The following RERE variants were observed in gnomAD, a reference collection of about 807,000 sequenced individuals.
RERE encodes the protein arginine-glutamic acid dipeptide repeats.
Under a neutral mutation model 146.1 loss-of-function variants are expected in RERE, and 40 were observed. The ratio of observed to expected loss-of-function variants is 0.27; its 90% confidence interval spans 0.21 to 0.36. The LOEUF (loss-of-function observed/expected upper bound fraction) is 0.36, where lower values mean the gene tolerates loss of function less well. Ranked by LOEUF, RERE falls within the 10% of genes least tolerant of loss-of-function variation. The pLI is 1.00. For missense variants in RERE, 1,933 were observed against 2,138.7 expected (o/e 0.90, Z 1.90); for synonymous variants, 1,003 against 866.0 (o/e 1.16, Z -2.78).
chr1:8,414,387 CTCTACTAAAAA>C lies in RERE; in HGVS notation c.1284+8329_1284+8339del, dbSNP rs1282955843. ...TGGTGAAACCCCATCTCTACTAAAACTCTACTAAAAATACAAAACTCAGCTGGGCATGGTGG... is the reference window on the plus strand; with the variant it reads ...TGGTGAAACCCCATCTCTACTAAAACTACAAAACTCAGCTGGGCATGGTGG... On this transcript the variant is annotated intron_variant, in intron 12 of 22. Coordinates refer to ENST00000400908, the MANE Select transcript of RERE (RefSeq NM_001042681.2). Among the ~76,000 whole-genome samples the C allele has an allele frequency of 6.8e-5, 10 of 148,130 alleles. 1 individual carries two copies. The highest frequency in any genetic ancestry group is 1.3e-4 in the Non-Finnish European group (9 of 67,926).
intron 2 of RERE, among the ~76,000 whole-genome samples, chr1:8,646,150 T>C (rs1488471365): frequency 4.0e-5 from 6 of 151,174 alleles, no homozygotes; most frequent in Non-Finnish European, 7.4e-5. Context: ...ACAAAGCTCT[T>C]CCTGCCTGTT....
At chr1:8,685,037 T>C (rs1299279265) in intron 1 of RERE, among the ~76,000 whole-genome samples, 1 of 151,926 alleles carries the variant, frequency 6.6e-6, no homozygotes, top group Non-Finnish European at 1.5e-5. Context: ...TTTCAATTTT[T>C]TGTAGAGACA....
intron 12 of RERE, among the ~76,000 whole-genome samples, chr1:8,390,195 C>A (rs1194847148): frequency 6.6e-6 from 1 of 152,138 alleles, no homozygotes; most frequent in East Asian, 1.9e-4. Flanking sequence ...CCAGAGGCAT[C>A]CTGTGACACA....
chr1:8,390,355 C>A (rs1334843266), intron 12 of RERE, among the ~76,000 whole-genome samples: 1 of 152,200 alleles, frequency 6.6e-6, no homozygotes, highest in East Asian at 1.9e-4. Context: ...AAAAAACAAA[C>A]CTGGCATGCA....
At chr1:8,501,423 G>A (rs1195523463) in intron 8 of RERE, among the ~76,000 whole-genome samples, 1 of 70,420 alleles carries the variant, frequency 1.4e-5, no homozygotes, top group Non-Finnish European at 2.8e-5. Context: ...CGTCCGGGAG[G>A]TGAGGGGCGC....
chr1:8,548,723 G>A (rs1249644300), intron 6 of RERE, among the ~76,000 whole-genome samples: 2 of 152,182 alleles, frequency 1.3e-5, no homozygotes, highest in Admixed American at 6.5e-5. Context: ...AGTGGCTCAC[G>A]CCTGTAATCC....
intron 2 of RERE, among the ~76,000 whole-genome samples, chr1:8,650,642 T>G (rs2124316537): frequency 6.6e-6 from 1 of 152,182 alleles, no homozygotes; most frequent in Non-Finnish European, 1.5e-5. Flanking sequence ...CTCACGCCTG[T>G]AATCCCAGCA....
intron 12 of RERE, chr1:8,380,642 T>C: frequency 2.8e-6 from 1 of 361,472 alleles, no homozygotes; most frequent in East Asian, 7.4e-5. Context: ...CCACCAAGCC[T>C]GGCCCATCAA....
intron 10 of RERE, among the ~76,000 whole-genome samples, chr1:8,488,298 T>C (rs1287230221): frequency 6.6e-6 from 1 of 152,146 alleles, no homozygotes; most frequent in Non-Finnish European, 1.5e-5. Flanking sequence ...CAGGCTAGAA[T>C]GCAATGGCAC....
At chr1:8,707,085 G>A (rs1261640184) in intron 1 of RERE, among the ~76,000 whole-genome samples, 1 of 152,028 alleles carries the variant, frequency 6.6e-6, no homozygotes, top group Non-Finnish European at 1.5e-5. Context: ...TTTGTCCTAA[G>A]CTCCATTCCA....
At chr1:8,794,554 T>A (rs1391672353) in intron 1 of RERE, among the ~76,000 whole-genome samples, 1 of 151,948 alleles carries the variant, frequency 6.6e-6, no homozygotes, top group Non-Finnish European at 1.5e-5. Flanking sequence ...CCACAAAAAA[T>A]GTATTTACAG....
At chr1:8,743,184 C>A (rs1440898387) in intron 1 of RERE, among the ~76,000 whole-genome samples, 1 of 152,032 alleles carries the variant, frequency 6.6e-6, no homozygotes, top group Non-Finnish European at 1.5e-5. Context: ...CTGCTTGAGG[C>A]CAGGAGTTTG....
Position 8,356,379 on chromosome 1 carries a change from G to GTA in RERE, c.4340-134_4340-133insTA. ...GTCACCAGGGCTGGATGCACCACCT[G>GTA]GCTACAGGTGGCCCTGCCCCAAAGT... On this transcript the variant is annotated intron_variant, in intron 20 of 22. Coordinates refer to ENST00000400908, the MANE Select transcript of RERE (RefSeq NM_001042681.2). The surrounding 1 kb of genome is among the most constrained non-coding windows in gnomAD (Gnocchi z 5.2). The GTA allele has an allele frequency of 9.5e-7, 1 of 1,051,918 alleles. No individual in the cohort carries two copies. Among genetic ancestry groups the GTA allele is most frequent in the African/African-American group, 1.7e-5 (1 of 59,266 alleles). 65.2% of individuals were successfully genotyped at this position (1,051,918 alleles called of 1,614,324 possible).
chr1:8,564,089 G>A (rs533642571), intron 4 of RERE, among the ~76,000 whole-genome samples: 2 of 152,134 alleles, frequency 1.3e-5, no homozygotes, highest in South Asian at 2.1e-4. Flanking sequence ...ACTGTTAGAC[G>A]TGTCACCTTA....
At chr1:8,567,766 T>C (rs970877396) in intron 4 of RERE, among the ~76,000 whole-genome samples, 1 of 152,236 alleles carries the variant, frequency 6.6e-6, no homozygotes, top group South Asian at 2.1e-4. Flanking sequence ...TTTGTACTTC[T>C]TGCCCTCATC....
intron 12 of RERE, among the ~76,000 whole-genome samples, chr1:8,388,549 G>C (rs1331402550): frequency 6.6e-6 from 1 of 152,122 alleles, no homozygotes; most frequent in African/African-American, 2.4e-5. Context: ...TCGATCTCCT[G>C]ACCTCATGAT....
At chr1:8,736,851 G>GAAAAAAA (rs34872965) in intron 1 of RERE, among the ~76,000 whole-genome samples, 1 of 99,798 alleles carries the variant, frequency 1.0e-5, no homozygotes, top group Non-Finnish European at 2.0e-5. Context: ...AAGCAAGGGG[G>GAAAAAAA]AAAAAAAAAA....
intron 15 of RERE, among the ~76,000 whole-genome samples, chr1:8,363,347 T>C (rs1198538215): frequency 6.6e-6 from 1 of 152,240 alleles, no homozygotes; most frequent in Non-Finnish European, 1.5e-5. Context: ...TTCAGCATGT[T>C]TCTGCAAAGC....
At chr1:8,377,271 GC>G (rs1339642572) in intron 12 of RERE, among the ~76,000 whole-genome samples, 1 of 152,074 alleles carries the variant, frequency 6.6e-6, no homozygotes, top group Non-Finnish European at 1.5e-5. Flanking sequence ...ACACACAAGG[GC>G]CCCCTTGGAG....
Sources: gnomAD v4.1 joint callset for allele counts (sites outside exome capture counted in the v4.1 genomes callset) on GRCh38, gnomAD v4.1.1 for gene constraint, Gnocchi (gnomAD v3.1) non-coding constraint, MANE v1.5 for transcripts, NCBI Gene and HGNC (gene_info 2026-07-23, HGNC 2026-07-21) for gene names.